DYNC1LI2: variants seen among roughly 807,000 people sequenced by gnomAD.
DYNC1LI2 encodes the protein cytoplasmic dynein 1 light intermediate chain 2.
DYNC1LI2 carries 19 observed loss-of-function variants against 57.8 expected under a neutral mutation model. The ratio of observed to expected loss-of-function variants is 0.33; its 90% confidence interval spans 0.23 to 0.48. The LOEUF is 0.48. Ranked by LOEUF, DYNC1LI2 falls within the 20% of genes least tolerant of loss-of-function variation. DYNC1LI2 has a pLI of 0.99. For synonymous variants in DYNC1LI2, 256 were observed against 233.4 expected (o/e 1.10, Z -0.88); for missense variants, 470 against 604.2 (o/e 0.78, Z 2.33).
At chr16:66,725,208 G>C (rs2017517063) in intron 12 of DYNC1LI2, among the ~76,000 whole-genome samples, 1 of 148,488 alleles carries the variant, frequency 6.7e-6, no homozygotes, top group Admixed American at 6.7e-5. Context: ...GCCGCAGACG[G>C]TGGCTCACAC....
chr16:66,725,236 T>C (rs576627603), intron 12 of DYNC1LI2, among the ~76,000 whole-genome samples: 53 of 150,594 alleles, frequency 3.5e-4, no homozygotes, highest in African/African-American at 1.2e-3. Flanking sequence ...CCCAGCACTT[T>C]GGGAGGCCAA....
intron 8 of DYNC1LI2, 59 bp downstream of exon 8, chr16:66,730,053 T>C: frequency 4.7e-6 from 7 of 1,482,000 alleles, no homozygotes; most frequent in Non-Finnish European, 6.5e-6. Flanking sequence ...AGTGCTGGGA[T>C]TACAGGCATC....
chr16:66,742,661 C>T lies in DYNC1LI2; in HGVS notation c.306G>A (p.Thr102=), dbSNP rs1422177513. The T allele has an allele frequency of 1.9e-6, 3 of 1,614,058 alleles. No homozygotes were observed. The highest frequency in any genetic ancestry group is 2.5e-6 in the Non-Finnish European group (3 of 1,179,950). Residue 102 remains threonine (T), a synonymous_variant, in exon 4 of 13, where the codon ACG becomes ACA. Coordinates refer to ENST00000258198, the MANE Select transcript of DYNC1LI2 (RefSeq NM_006141.3). The part of the protein sequence containing the change: ...SVHDEDRDDH[T]RCNVWILDGD... ...CATCCAGAATCCACACGTTGCAGCG[C>T]GTGTGATCTGAGAAAACAAGTGAAT...
rs973583721 is a variant in DYNC1LI2 at position 66,723,057 on chromosome 16, G to A, written c.*665C>T. 4 of 331,912 alleles carry A rather than the reference G, an allele frequency of 1.2e-5. No homozygotes were observed. Among genetic ancestry groups the A allele is most frequent in the African/African-American group, 2.2e-5 (1 of 46,422 alleles). 20.6% of individuals were successfully genotyped at this position (331,912 alleles called of 1,614,324 possible). ...TCGTTCCCACCCCTGGGTCAGCTCC[G>A]CCTGACTCAGGCACCCCCACAATTA... On this transcript the variant is annotated 3_prime_UTR_variant, in exon 13 of 13. Coordinates refer to ENST00000258198, the MANE Select transcript of DYNC1LI2 (RefSeq NM_006141.3).
At chr16:66,740,201 G>C (rs1162293625) in intron 4 of DYNC1LI2, among the ~76,000 whole-genome samples, 1 of 152,120 alleles carries the variant, frequency 6.6e-6, no homozygotes, top group African/African-American at 2.4e-5. Flanking sequence ...AGCTGCCACA[G>C]ACACAAAACC....
chr16:66,736,108 G>T lies in DYNC1LI2; in HGVS notation c.666C>A (p.Asn222Lys), dbSNP rs1341363690. Residue 222 changes from asparagine (N) to lysine (K), a missense_variant, in exon 5 of 13, where the codon AAC becomes AAA. By Grantham distance (94) the Asn-to-Lys change is moderately conservative. Coordinates refer to ENST00000258198, the MANE Select transcript of DYNC1LI2 (RefSeq NM_006141.3). Reference protein sequence around the residue: ...LPLGDNVLTHNLGIPVLVVCT... With the variant: ...LPLGDNVLTHKLGIPVLVVCT... Reference sequence around the variant, plus strand: ...ACACCACCAACACCGGGATCCCCAGGTTATGAGTCAGCACATTGTCACCCA... The same window carrying T: ...ACACCACCAACACCGGGATCCCCAGTTTATGAGTCAGCACATTGTCACCCA... The T allele has an allele frequency of 6.2e-7, 1 of 1,613,938 alleles. No individual in the cohort carries two copies. The highest frequency in any genetic ancestry group is 1.3e-5 in the African/African-American group (1 of 74,880).
intron 3 of DYNC1LI2, among the ~76,000 whole-genome samples, chr16:66,742,984 C>T (rs1009891339): frequency 1.3e-5 from 2 of 152,048 alleles, no homozygotes; most frequent in African/African-American, 4.8e-5. Context: ...CATGGCAAAA[C>T]CCCATCTCTA....
intron 11 of DYNC1LI2, 115 bp from the exon 12 acceptor site, chr16:66,726,059 T>C (rs1213303544): frequency 9.4e-7 from 1 of 1,064,634 alleles, no homozygotes; most frequent in African/African-American, 1.6e-5. Flanking sequence ...CCTAGGATAT[T>C]GATAACATTC....
At chr16:66,729,237 A>G in intron 8 of DYNC1LI2, 138 bp from the exon 9 acceptor site, 1 of 977,862 alleles carries the variant, frequency 1.0e-6, no homozygotes, top group South Asian at 1.3e-5. Flanking sequence ...GCAGAGTAAT[A>G]TTTTTCTAGC....
rs1003960026 is a variant in DYNC1LI2, at chr16:66,723,284, G to C, written c.*438C>G. On this transcript the variant is annotated 3_prime_UTR_variant, in exon 13 of 13. Coordinates refer to ENST00000258198, the MANE Select transcript of DYNC1LI2 (RefSeq NM_006141.3). ...CATCACTTGTCTCATTACTCCTTCT[G>C]GTCTTTCTTTCCTGGACTTTCTGCT... 2.2e-6 allele frequency: 1 copy of C among 455,000 alleles called. No individual in the cohort carries two copies. Among genetic ancestry groups the C allele is most frequent in the African/African-American group, 2.0e-5 (1 of 49,990 alleles). The allele number at this position is 455,000 out of a possible 1,614,324, so 28.2% of individuals were successfully genotyped here. A position where few individuals can be genotyped will look rare whatever the true frequency, so the allele number is the denominator to read the frequency against.
intron 4 of DYNC1LI2, among the ~76,000 whole-genome samples, chr16:66,736,532 G>T (rs1286700440): frequency 3.9e-5 from 6 of 152,012 alleles, no homozygotes; most frequent in Non-Finnish European, 8.8e-5. Flanking sequence ...TCTTTTTTGA[G>T]ACAAAGTCTT....
Position 66,734,278 on chromosome 16 carries a change from C to G in DYNC1LI2, c.733G>C (p.Asp245His), listed in dbSNP as rs780255261. The G allele has an allele frequency of 1.2e-6, 2 of 1,614,116 alleles. No homozygotes were observed. The highest frequency in any genetic ancestry group is 1.7e-6 in the Non-Finnish European group (2 of 1,180,004). ...AAGTCCAAATGCTCATCCCTGTAAT[C>G]GTGCTCCTTCTCCAGGACACTCACC... is the stretch of plus-strand genomic sequence containing the variant. ...DAVSVLEKEH[D>H]YRDEHLDFIQ... Residue 245 changes from aspartate (D) to histidine (H), a missense_variant, in exon 6 of 13, where the codon GAT becomes CAT. Coordinates refer to ENST00000258198, the MANE Select transcript of DYNC1LI2 (RefSeq NM_006141.3).
At chr16:66,732,254 G>C in intron 7 of DYNC1LI2, 85 bp downstream of exon 7, 9 of 1,511,026 alleles carry the variant, frequency 6.0e-6, no homozygotes, top group East Asian at 4.7e-5. Context: ...ACAGACAGAA[G>C]GCACCTTCCT....
At chr16:66,749,060 T>A (rs2017992078) in intron 3 of DYNC1LI2, 137 bp downstream of exon 3, 1 of 826,652 alleles carries the variant, frequency 1.2e-6, no homozygotes, top group African/African-American at 1.7e-5. Flanking sequence ...GATACGTACT[T>A]CATCTATTCT....
chr16:66,731,546 T>G (rs1398914881), intron 7 of DYNC1LI2: 7 of 152,504 alleles, frequency 4.6e-5, no homozygotes, highest in African/African-American at 1.7e-4. Flanking sequence ...CTGCCATACT[T>G]CCTCCATAAC....
intron 3 of DYNC1LI2, among the ~76,000 whole-genome samples, chr16:66,747,004 C>A (rs1260746107): frequency 1.3e-5 from 2 of 152,128 alleles, no homozygotes; most frequent in African/African-American, 4.8e-5. Context: ...CCTGTATGTA[C>A]AGACTCCAGT....
Position 66,721,602 on chromosome 16 carries a change from A to G in DYNC1LI2, c.*2120T>C, listed in dbSNP as rs1184825058. On this transcript the variant is annotated 3_prime_UTR_variant, in exon 13 of 13. Coordinates refer to ENST00000258198, the MANE Select transcript of DYNC1LI2 (RefSeq NM_006141.3). Reference sequence around the variant, plus strand: ...GTAGACTTTGGCAACCACTGAGCACATGACACTATGTATCAGCTTCTTCTG... The same window carrying G: ...GTAGACTTTGGCAACCACTGAGCACGTGACACTATGTATCAGCTTCTTCTG... The G allele has an allele frequency of 6.6e-6, 1 of 152,620 alleles. No individual in the cohort carries two copies. Among genetic ancestry groups the G allele is most frequent in the Non-Finnish European group, 1.5e-5 (1 of 68,036 alleles). The allele number at this position is 152,620 out of a possible 1,614,324, so 9.5% of individuals were successfully genotyped here.
At chr16:66,740,268 A>C (rs1039347121) in intron 4 of DYNC1LI2, among the ~76,000 whole-genome samples, 1 of 152,170 alleles carries the variant, frequency 6.6e-6, no homozygotes, top group Admixed American at 6.5e-5. Context: ...TTCCAAAATC[A>C]TAAGAATGGA....
Position 66,751,378 on chromosome 16 carries a change from C to G in DYNC1LI2, c.108-32G>C. On this transcript the variant is annotated intron_variant, in intron 1 of 12. Coordinates refer to ENST00000258198, the MANE Select transcript of DYNC1LI2 (RefSeq NM_006141.3). This position sits in a 1 kb window ranked among gnomAD's most constrained non-coding sequence, Gnocchi z 5.2. ...CGACAATGGCAAGAGTGGTCAGCCC[C>G]GGGCCGGGCTGGGATGGCCCGGCTC... 6.2e-7 allele frequency: 1 copy of G among 1,606,332 alleles called. No homozygotes were observed. The highest frequency in any genetic ancestry group is 8.5e-7 in the Non-Finnish European group (1 of 1,177,066).
Sources: gnomAD v4.1 joint callset for allele counts (sites outside exome capture counted in the v4.1 genomes callset) on GRCh38, gnomAD v4.1.1 for gene constraint, Gnocchi (gnomAD v3.1) non-coding constraint, MANE v1.5 for transcripts, NCBI Gene and HGNC (gene_info 2026-07-23, HGNC 2026-07-21) for gene names.